The following PCCA variants were observed in gnomAD, a reference collection of about 807,000 sequenced individuals.
PCCA encodes the protein propionyl-CoA carboxylase alpha chain, mitochondrial.
A neutral mutation model predicts 101.3 loss-of-function variants in PCCA; 74 were observed. That is an observed-to-expected ratio of 0.73 (90% CI 0.61 to 0.89). The LOEUF (loss-of-function observed/expected upper bound fraction) is 0.89, where lower values mean the gene tolerates loss of function less well. Ranked by LOEUF, PCCA falls within the 40% of genes least tolerant of loss-of-function variation. PCCA has a pLI of 0.00. For missense variants in PCCA, 891 were observed against 907.0 expected, an observed-to-expected ratio of 0.98 and a Z score of 0.23; for synonymous variants, 294 against 313.6, an observed-to-expected ratio of 0.94 and a Z score of 0.66.
At chr13:100,206,217 C>G (rs2058842192) in intron 6 of PCCA, among the ~76,000 whole-genome samples, 1 of 152,092 alleles carries the variant, frequency 6.6e-6, no homozygotes, top group Non-Finnish European at 1.5e-5. Context: ...ATTTGGGTTC[C>G]TATAATATTA....
At chr13:100,123,674 GA>G (rs2152308092) in intron 4 of PCCA, among the ~76,000 whole-genome samples, 3 of 152,152 alleles carry the variant, frequency 2.0e-5, no homozygotes, top group African/African-American at 7.2e-5. Context: ...GAATAGCCTA[GA>G]TAATTCTGAG....
intron 7 of PCCA, among the ~76,000 whole-genome samples, chr13:100,234,475 A>T (rs1026584444): frequency 6.0e-5 from 6 of 99,756 alleles, no homozygotes; most frequent in Non-Finnish European, 9.7e-5. Flanking sequence ...TGCTTGGAGT[A>T]AAAAAAAAAA....
chr13:100,103,029 A>G, intron 2 of PCCA, 69 bp downstream of exon 2: 1 of 1,009,860 alleles, frequency 9.9e-7, no homozygotes, highest in Non-Finnish European at 1.6e-6. Flanking sequence ...TCGTCTCCAC[A>G]CTGTGTTCAG....
At chr13:100,340,011 G>A (rs760795090) in intron 17 of PCCA, 146 bp from the exon 18 acceptor site, 26 of 686,754 alleles carry the variant, frequency 3.8e-5, no homozygotes, top group Admixed American at 8.1e-5. Flanking sequence ...CTCAATGTCC[G>A]CACACCCCAG....
intron 8 of PCCA, among the ~76,000 whole-genome samples, chr13:100,243,224 T>G (rs1037573925): frequency 1.3e-5 from 2 of 152,198 alleles, no homozygotes; most frequent in African/African-American, 2.4e-5. Context: ...AAATTGACCA[T>G]GAGTTAGTTT....
In PCCA at chr13:100,285,872, G is replaced by A. The variant is rs533888114; in HGVS notation, c.1065+12526G>A. Among the ~76,000 whole-genome samples, 528 of 152,268 alleles carry A rather than the reference G, an allele frequency of 3.5e-3. 4 individuals are homozygous for A. The highest frequency in any genetic ancestry group is 0.012 in the African/African-American group (498 of 41,552). ...GAATGGGATACGAAGGGCAGGTTAC[G>A]CCATAGTTAGTGATGTAACCATACT... is the stretch of plus-strand genomic sequence containing the variant. On this transcript the variant is annotated intron_variant, in intron 12 of 23. Coordinates refer to ENST00000376285, the MANE Select transcript of PCCA (RefSeq NM_000282.4).
intron 6 of PCCA, among the ~76,000 whole-genome samples, chr13:100,163,430 A>G (rs1233792215): frequency 6.6e-6 from 1 of 152,118 alleles, no homozygotes; most frequent in Non-Finnish European, 1.5e-5. Flanking sequence ...CATGATATGT[A>G]TTTCTCCATC....
intron 18 of PCCA, among the ~76,000 whole-genome samples, chr13:100,367,216 CT>C (rs1278748524): frequency 6.6e-6 from 1 of 152,100 alleles, no homozygotes; most frequent in Admixed American, 6.5e-5. Context: ...TCTAAAAACA[CT>C]TTTGTCTTTG....
At chr13:100,200,386 G>C (rs980636112) in intron 6 of PCCA, among the ~76,000 whole-genome samples, 2 of 152,172 alleles carry the variant, frequency 1.3e-5, no homozygotes, top group Non-Finnish European at 2.9e-5. Flanking sequence ...TTACAGGCGT[G>C]AGCCACAGTG....
intron 9 of PCCA, among the ~76,000 whole-genome samples, chr13:100,260,397 GT>G (rs1555397129): frequency 3.3e-4 from 50 of 149,256 alleles, no homozygotes; most frequent in African/African-American, 1.2e-3. Context: ...GTGTGTGTGT[GT>G]TTTTTTTTTT....
intron 16 of PCCA, among the ~76,000 whole-genome samples, chr13:100,311,090 C>T (rs993499471): frequency 4.6e-5 from 7 of 151,874 alleles, no homozygotes; most frequent in African/African-American, 1.5e-4. Flanking sequence ...AAAAATTAGT[C>T]AGGCGTGGTG....
intron 4 of PCCA, among the ~76,000 whole-genome samples, chr13:100,134,047 C>T (rs2050847886): frequency 6.6e-6 from 1 of 152,148 alleles, no homozygotes; most frequent in Non-Finnish European, 1.5e-5. Context: ...CTCAGACTGG[C>T]TTCCCTGCTC....
At chr13:100,526,522 G>A (rs887171704) in intron 22 of PCCA, among the ~76,000 whole-genome samples, 69 of 152,346 alleles carry the variant, frequency 4.5e-4, no homozygotes, top group African/African-American at 1.6e-3. Context: ...GGGGCCAGAG[G>A]GGGACTTGGA....
rs150844248 is a variant in PCCA, at chr13:100,413,765, G to A, written c.1747-11868G>A. 1.6e-4 allele frequency among the ~76,000 whole-genome samples: 24 copies of A among 152,234 alleles called. 1 individual carries two copies. The East Asian group carries it at 4.0e-3, about 26-fold the overall frequency. ...AAACACAAGCATTGCGACCATTCAC[G>A]GCAATACTGCATAGAAACACAGGAT... On this transcript the variant is annotated intron_variant, in intron 19 of 23. Coordinates refer to ENST00000376285, the MANE Select transcript of PCCA (RefSeq NM_000282.4).
intron 21 of PCCA, among the ~76,000 whole-genome samples, chr13:100,472,694 G>A (rs950079223): frequency 6.6e-6 from 1 of 152,018 alleles, no homozygotes; most frequent in African/African-American, 2.4e-5. Context: ...CTATTTGCCT[G>A]GTATCTGGCC....
chr13:100,452,841 TTGGGCAAA>T (rs1477925788), intron 21 of PCCA, among the ~76,000 whole-genome samples: 1 of 152,094 alleles, frequency 6.6e-6, no homozygotes, highest in East Asian at 1.9e-4. Context: ...TCAGTCAGGG[TTGGGCAAA>T]TGAATGACTG....
chr13:100,311,894 T>C (rs1279392410), intron 16 of PCCA, among the ~76,000 whole-genome samples: 5 of 152,228 alleles, frequency 3.3e-5, no homozygotes, highest in Admixed American at 6.5e-5. Context: ...TAATACTGTG[T>C]GCGGAGGTTA....
At chr13:100,301,714 G>A (rs2066075327) in intron 13 of PCCA, 111 bp downstream of exon 13, 2 of 1,205,606 alleles carry the variant, frequency 1.7e-6, no homozygotes, top group Admixed American at 1.7e-5. Context: ...GCCAACTATT[G>A]GATTACGTAA....
At chr13:100,393,163 T>C (rs2076885569) in intron 19 of PCCA, among the ~76,000 whole-genome samples, 2 of 152,180 alleles carry the variant, frequency 1.3e-5, no homozygotes, top group African/African-American at 4.8e-5. Context: ...TTAATAGCGT[T>C]CTTTAAGAAA....
Sources: gnomAD v4.1 joint callset for allele counts (sites outside exome capture counted in the v4.1 genomes callset) on GRCh38, gnomAD v4.1.1 for gene constraint, MANE v1.5 for transcripts, NCBI Gene and HGNC (gene_info 2026-07-23, HGNC 2026-07-21) for gene names.